Variants in SPRED2 observed in about 807,000 individuals in gnomAD.
SPRED2 encodes the protein sprouty-related, EVH1 domain-containing protein 2.
In SPRED2, 47 loss-of-function variants were observed where a neutral mutation model predicts 43.0. The observed-to-expected ratio is 1.09, with a 90% CI of 0.87 to 1.40. The LOEUF is 1.40. Among genes scored for constraint, SPRED2 ranks in the 40% most tolerant of loss-of-function variants. SPRED2 has a pLI of 0.00. For synonymous variants in SPRED2, 225 were observed against 225.7 expected (o/e 1.00, Z 0.03); for missense variants, 561 against 586.4 (o/e 0.96, Z 0.45).
chr2:65,362,522 A>G (rs4549071), intron 1 of SPRED2, among the ~76,000 whole-genome samples: 85,604 of 151,718 alleles, frequency 0.56, 24,284 homozygotes, highest in East Asian at 0.79. Context: ...CACCCACCTC[A>G]GCCTCCCAAA....
At chr2:65,393,747 A>G (rs1675692384) in intron 1 of SPRED2, among the ~76,000 whole-genome samples, 1 of 152,218 alleles carries the variant, frequency 6.6e-6, no homozygotes, top group Non-Finnish European at 1.5e-5. Flanking sequence ...TTCTCAAAAC[A>G]ACTATCTCAA....
chr2:65,361,109 C>T (rs1480219901), intron 1 of SPRED2, among the ~76,000 whole-genome samples: 1 of 152,126 alleles, frequency 6.6e-6, no homozygotes, highest in African/African-American at 2.4e-5. Context: ...AGTTAACTTT[C>T]CCCTAATTAC....
chr2:65,334,267 T>C (rs753506374), intron 3 of SPRED2: 2 of 478,644 alleles, frequency 4.2e-6, no homozygotes, highest in South Asian at 3.1e-5. Flanking sequence ...TCTCTACTTC[T>C]GAGCCAAGAC....
At position 65,426,562 on chromosome 2, in the gene SPRED2, G is replaced by C. The variant is rs962666697; in HGVS notation, c.26+5400C>G. 5.3e-5 allele frequency among the ~76,000 whole-genome samples: 8 copies of C among 152,080 alleles called. 1 individual carries two copies. The South Asian group carries it at 1.7e-3, about 32-fold the overall frequency. ...AAATAATAATTGCCATGTAATGTAG[G>C]GAAAAAAATAATACACACAGACATT... On this transcript the variant is annotated intron_variant, in intron 1 of 5. Transcript: ENST00000356388.
In SPRED2 at chr2:65,316,782, C is replaced by A; in HGVS notation, c.540G>T (p.Leu180=). 2 of 1,613,116 alleles carry A rather than the reference C, an allele frequency of 1.2e-6. No homozygotes were observed. Among genetic ancestry groups the A allele is most frequent in the Non-Finnish European group, 8.5e-7 (1 of 1,179,718 alleles). The part of the protein sequence containing the change: ...TSCEHRRIYT[L]GHLHDSYPTD... ...TGGGGTATGAGTCGTGGAGGTGGCC[C>A]AGGGTATAAATCCTCCGGTGCTCAC... Residue 180 remains leucine, a synonymous_variant, in exon 5 of 6, where the codon CTG becomes CTT. Transcript: ENST00000356388.
chr2:65,363,212 C>G (rs1674876256), intron 1 of SPRED2, among the ~76,000 whole-genome samples: 1 of 138,424 alleles, frequency 7.2e-6, no homozygotes, highest in Admixed American at 7.6e-5. Flanking sequence ...GCACTCCACC[C>G]TGGGCAATAA....
At chr2:65,354,369 G>A (rs1674588630) in intron 1 of SPRED2, among the ~76,000 whole-genome samples, 1 of 152,176 alleles carries the variant, frequency 6.6e-6, no homozygotes, top group Admixed American at 6.5e-5. Context: ...CTCATAAAAT[G>A]CTGGTTTTCT....
intron 1 of SPRED2, among the ~76,000 whole-genome samples, chr2:65,363,239 CAAAA>C (rs141094707): frequency 0.086 from 8,851 of 103,048 alleles, 358 homozygotes; most frequent in Middle Eastern, 0.21. Flanking sequence ...AACTCCGTCT[CAAAA>C]AAAAAAAAAA....
chr2:65,411,116 C>T (rs984717983), intron 1 of SPRED2, among the ~76,000 whole-genome samples: 4 of 152,198 alleles, frequency 2.6e-5, no homozygotes, highest in African/African-American at 9.7e-5. Flanking sequence ...GCTGCAGCAG[C>T]TACCTTTAAA....
In SPRED2 at chr2:65,311,516, T is replaced by G; in HGVS notation, c.*1985A>C. 1 of 985,886 alleles carries G rather than the reference T, an allele frequency of 1.0e-6. No individual in the cohort carries two copies. 61.1% of individuals were successfully genotyped at this position (985,886 alleles called of 1,614,324 possible). On this transcript the variant is annotated 3_prime_UTR_variant, in exon 6 of 6. Coordinates refer to ENST00000356388, the MANE Select transcript of SPRED2 (RefSeq NM_181784.3). ...TCTAAGGAAACGAACATTAGTGTTG[T>G]GCTTTGTAGAGAAGAGACCCTAGAG...
At chr2:65,410,836 G>A (rs1334569951) in intron 1 of SPRED2, among the ~76,000 whole-genome samples, 1 of 152,112 alleles carries the variant, frequency 6.6e-6, no homozygotes, top group Non-Finnish European at 1.5e-5. Flanking sequence ...CAGTTAGCTT[G>A]AAAGATGTAA....
chr2:65,334,635 C>A lies in SPRED2; in HGVS notation c.343G>T (p.Val115Leu). ...PADARAFDRG[V>L]RKAIEDLIEG... ...ATAAGGTCTTCGATTGCTTTCCTTA[C>A]TCCCCTGTCAAAGGCTCGGGCATCA... is the stretch of plus-strand genomic sequence containing the variant. Residue 115 changes from valine (V) to leucine (L), a missense_variant, in exon 3 of 6, where the codon GTA becomes TTA. Val to Leu is a conservative substitution (Grantham distance 32). Coordinates refer to ENST00000356388, the MANE Select transcript of SPRED2 (RefSeq NM_181784.3). 1 of 1,614,262 alleles carries A rather than the reference C, an allele frequency of 6.2e-7. No individual in the cohort carries two copies. Among genetic ancestry groups the A allele is most frequent in the Non-Finnish European group, 8.5e-7 (1 of 1,180,048 alleles).
chr2:65,366,294 T>G lies in SPRED2; in HGVS notation c.27-21398A>C, dbSNP rs192585943. On this transcript the variant is annotated intron_variant, in intron 1 of 5. Transcript: ENST00000356388. ...AGGCAGCATCTTTTAGATTCAGGAC[T>G]TAATAATAAAAAACAACAACAACAA... is the stretch of plus-strand genomic sequence containing the variant. Among the ~76,000 whole-genome samples the G allele has an allele frequency of 2.8e-4, 31 of 110,256 alleles. No homozygotes were observed. The Admixed American group carries it at 3.0e-3, about 11-fold the overall frequency. The allele number at this position is 110,256 out of a possible 152,430, so 72.3% of individuals were successfully genotyped here.
At chr2:65,323,211 T>C (rs1274021002) in intron 4 of SPRED2, among the ~76,000 whole-genome samples, 1 of 152,068 alleles carries the variant, frequency 6.6e-6, no homozygotes, top group Non-Finnish European at 1.5e-5. Flanking sequence ...GCCAGGCTGG[T>C]CTCCAACTCC....
At chr2:65,354,492 C>T (rs1057048441) in intron 1 of SPRED2, among the ~76,000 whole-genome samples, 8 of 151,470 alleles carry the variant, frequency 5.3e-5, no homozygotes, top group Admixed American at 2.0e-4. Context: ...AGCTTGAACA[C>T]GTATAAATCC....
intron 1 of SPRED2, among the ~76,000 whole-genome samples, chr2:65,401,609 C>A (rs1675889345): frequency 6.6e-6 from 1 of 151,668 alleles, no homozygotes; most frequent in South Asian, 2.1e-4. Flanking sequence ...TCCTGGCTAA[C>A]ACGGTGAAAC....
chr2:65,418,729 A>AT (rs1225722519), intron 1 of SPRED2, among the ~76,000 whole-genome samples: 1 of 151,674 alleles, frequency 6.6e-6, no homozygotes, highest in African/African-American at 2.4e-5. Context: ...AAGTTTTTGT[A>AT]TTTTTAGTAG....
intron 2 of SPRED2, among the ~76,000 whole-genome samples, chr2:65,342,243 T>G (rs1674209268): frequency 6.9e-6 from 1 of 145,832 alleles, no homozygotes; most frequent in African/African-American, 2.5e-5. Flanking sequence ...ATGTATATTT[T>G]GTATACGTAT....
At chr2:65,393,547 C>G (rs1675688098) in intron 1 of SPRED2, among the ~76,000 whole-genome samples, 1 of 152,066 alleles carries the variant, frequency 6.6e-6, no homozygotes, top group Non-Finnish European at 1.5e-5. Context: ...GTTGGCCAGG[C>G]TGGTCTCGAA....
Sources: gnomAD v4.1 joint callset for allele counts (sites outside exome capture counted in the v4.1 genomes callset) on GRCh38, gnomAD v4.1.1 for gene constraint, MANE v1.5 for transcripts, NCBI Gene and HGNC (gene_info 2026-07-23, HGNC 2026-07-21) for gene names.